The following ADAMTS18 variants were observed in gnomAD, a reference collection of about 807,000 sequenced individuals.
The protein encoded by ADAMTS18 is A disintegrin and metalloproteinase with thrombospondin motifs 18.
In ADAMTS18, 157 loss-of-function variants were observed where a neutral mutation model predicts 165.9. The ratio of observed to expected loss-of-function variants is 0.95; its 90% CI spans 0.83 to 1.08. The LOEUF is 1.08. Ranked by LOEUF, ADAMTS18 falls within the 50% of genes least tolerant of loss-of-function variation. The pLI is 0.00. For missense variants in ADAMTS18, 2,040 were observed against 1,534.0 expected (o/e 1.33, Z -5.51); for synonymous variants, 782 against 578.2 (o/e 1.35, Z -5.06).
Position 77,295,274 on chromosome 16 carries a change from G to T in ADAMTS18, c.2802-147C>A. Reference sequence around the variant, plus strand: ...AAGTTATTCTAATTGTTCTTTGAGGGATCCAGAGGCTTATACTAATGTGAT... The same window carrying T: ...AAGTTATTCTAATTGTTCTTTGAGGTATCCAGAGGCTTATACTAATGTGAT... On this transcript the variant is annotated intron_variant, in intron 18 of 22. Transcript: ENST00000282849. 3.7e-6 allele frequency: 3 copies of T among 819,012 alleles called. No homozygotes were observed. In the South Asian group the frequency reaches 4.4e-5, roughly 12 times the overall value. 50.7% of individuals were successfully genotyped at this position (819,012 alleles called of 1,614,324 possible). A position where few individuals can be genotyped will look rare whatever the true frequency, so the allele number is the denominator to read the frequency against.
At chr16:77,325,738 A>C (rs1475042872) in intron 13 of ADAMTS18, 128 bp downstream of exon 13, 1 of 945,202 alleles carries the variant, frequency 1.1e-6, no homozygotes, top group Non-Finnish European at 1.6e-6. Flanking sequence ...ACACTGAGCC[A>C]GGATGGGTCT....
chr16:77,408,881 A>T (rs1026952417), intron 3 of ADAMTS18, among the ~76,000 whole-genome samples: 5 of 152,146 alleles, frequency 3.3e-5, no homozygotes, highest in African/African-American at 1.2e-4. Context: ...CTCAAAGTCA[A>T]CCACAGTCTT....
At position 77,283,920 on chromosome 16, in the gene ADAMTS18, GCCC is replaced by G. The variant is rs1387630251; in HGVS notation, c.*33_*35del. Reference sequence around the variant, plus strand: ...GGTCTCTCTAGAGGTTGAAAGGTAAGCCCCTGGCCCTAAGGTGCTGGGGAGGAC... The same window carrying G: ...GGTCTCTCTAGAGGTTGAAAGGTAAGCTGGCCCTAAGGTGCTGGGGAGGAC... On this transcript the variant is annotated 3_prime_UTR_variant, in exon 23 of 23. Transcript: ENST00000282849. The G allele has an allele frequency of 6.6e-7, 1 of 1,504,500 alleles. No individual in the cohort carries two copies. Among genetic ancestry groups the G allele is most frequent in the Non-Finnish European group, 9.3e-7 (1 of 1,080,852 alleles). 93.2% of individuals were successfully genotyped at this position (1,504,500 alleles called of 1,614,324 possible). A position where few individuals can be genotyped will look rare whatever the true frequency, so the allele number is the denominator to read the frequency against.
At chr16:77,371,267 A>T (rs908574249) in intron 3 of ADAMTS18, among the ~76,000 whole-genome samples, 2 of 152,112 alleles carry the variant, frequency 1.3e-5, no homozygotes, top group South Asian at 2.1e-4. Context: ...AGAAAAAGAA[A>T]AAAGAAAACA....
At position 77,332,573 on chromosome 16, in the gene ADAMTS18, T is replaced by G. The variant is rs557879926; in HGVS notation, c.1859+3183A>C. On this transcript the variant is annotated intron_variant, in intron 12 of 22. Coordinates refer to ENST00000282849, the MANE Select transcript of ADAMTS18 (RefSeq NM_199355.4). ...TTTACAAAGCCACAGAGTTTAGAAG[T>G]GGCAGACACAGGGTTTAGAGTCTTT... Among the ~76,000 whole-genome samples the G allele has an allele frequency of 3.3e-5, 5 of 152,338 alleles. No homozygotes were observed. In the South Asian group the frequency reaches 1.0e-3, roughly 32 times the overall value.
intron 3 of ADAMTS18, among the ~76,000 whole-genome samples, chr16:77,375,041 G>T (rs544232340): frequency 1.5e-4 from 23 of 152,182 alleles, no homozygotes; most frequent in African/African-American, 5.5e-4. Context: ...AGTGTTTAAA[G>T]CATTTTGAGA....
At chr16:77,350,085 A>G (rs1026276381) in intron 10 of ADAMTS18, among the ~76,000 whole-genome samples, 1 of 152,212 alleles carries the variant, frequency 6.6e-6, no homozygotes, top group Non-Finnish European at 1.5e-5. Flanking sequence ...GACAAACAGC[A>G]TCAGCTCACT....
chr16:77,402,273 A>G (rs1258080998), intron 3 of ADAMTS18, among the ~76,000 whole-genome samples: 1 of 152,188 alleles, frequency 6.6e-6, no homozygotes, highest in East Asian at 1.9e-4. Flanking sequence ...AATATGACCC[A>G]TCACTTGCTT....
intron 2 of ADAMTS18, chr16:77,431,883 TTGTC>T (rs1247105795): frequency 7.7e-6 from 4 of 518,274 alleles, no homozygotes; most frequent in Non-Finnish European, 1.4e-5. Context: ...ACACCTCTCA[TTGTC>T]TGGAGAGAGA....
At chr16:77,407,159 A>C (rs2057403298) in intron 3 of ADAMTS18, among the ~76,000 whole-genome samples, 1 of 152,128 alleles carries the variant, frequency 6.6e-6, no homozygotes, top group Non-Finnish European at 1.5e-5. Context: ...TGTTCTTAAT[A>C]AGAGTCTATA....
intron 12 of ADAMTS18, among the ~76,000 whole-genome samples, chr16:77,333,497 A>C (rs2056224827): frequency 6.6e-6 from 1 of 151,448 alleles, no homozygotes; most frequent in South Asian, 2.1e-4. Context: ...AATACCAAAA[A>C]AAAAAAAATA....
chr16:77,341,520 T>C (rs1250968374), intron 11 of ADAMTS18, among the ~76,000 whole-genome samples, 184 bp downstream of exon 11: 1 of 152,178 alleles, frequency 6.6e-6, no homozygotes, highest in Admixed American at 6.5e-5. Context: ...TCTTAAACAA[T>C]TGAGCTACCT....
intron 3 of ADAMTS18, among the ~76,000 whole-genome samples, chr16:77,427,105 C>T (rs1027057788): frequency 6.6e-6 from 1 of 152,292 alleles, no homozygotes; most frequent in Admixed American, 6.5e-5. Flanking sequence ...CTCAGATATT[C>T]GTATGCATCA....
At chr16:77,324,164 A>T (rs1467366708) in intron 13 of ADAMTS18, among the ~76,000 whole-genome samples, 2 of 152,252 alleles carry the variant, frequency 1.3e-5, no homozygotes, top group Non-Finnish European at 2.9e-5. Flanking sequence ...AAAGCAAAGA[A>T]CAGAAGAGGA....
At chr16:77,434,027 G>C (rs765719633) in intron 2 of ADAMTS18, among the ~76,000 whole-genome samples, 1 of 152,140 alleles carries the variant, frequency 6.6e-6, no homozygotes, top group South Asian at 2.1e-4. Context: ...AGAGGAAAGA[G>C]GCTCACATTC....
chr16:77,289,402 T>C lies in ADAMTS18; in HGVS notation c.3412A>G (p.Thr1138Ala). The C allele has an allele frequency of 2.5e-6, 4 of 1,613,936 alleles. No individual in the cohort carries two copies. Among genetic ancestry groups the C allele is most frequent in the African/African-American group, 1.3e-5 (1 of 74,984 alleles). The change falls in exon 22 of 23, where the codon ACC becomes GCC. Residue 1138 changes from threonine (T) to alanine (A), a missense_variant. Physicochemically the swap from Thr to Ala is moderately conservative, Grantham distance 58. Transcript: ENST00000282849. ...CGGGTCTGGACCCCTCCCCCACAGG[T>C]GACTGTGCACTGCAGCAGAGAGAAG... ...YSLPWQQCTV[T>A]CGGGVQTRSV... is the part of the protein sequence containing the mutation.
At chr16:77,299,296 G>A (rs910758102) in intron 17 of ADAMTS18, among the ~76,000 whole-genome samples, 14 of 152,018 alleles carry the variant, frequency 9.2e-5, no homozygotes, top group African/African-American at 3.1e-4. Context: ...CAAATTATGG[G>A]GATTACCTTT....
At chr16:77,379,666 T>G (rs2057004155) in intron 3 of ADAMTS18, among the ~76,000 whole-genome samples, 1 of 152,072 alleles carries the variant, frequency 6.6e-6, no homozygotes, top group African/African-American at 2.4e-5. Flanking sequence ...TATTTTGTAT[T>G]TTTTGGTAGA....
At chr16:77,351,609 G>C (rs1027155802) in intron 10 of ADAMTS18, among the ~76,000 whole-genome samples, 1 of 152,158 alleles carries the variant, frequency 6.6e-6, no homozygotes, top group African/African-American at 2.4e-5. Flanking sequence ...ATAACATAAT[G>C]AATCCTTTAG....
Sources: gnomAD v4.1 joint callset for allele counts (sites outside exome capture counted in the v4.1 genomes callset) on GRCh38, gnomAD v4.1.1 for gene constraint, MANE v1.5 for transcripts, NCBI Gene and HGNC (gene_info 2026-07-23, HGNC 2026-07-21) for gene names.